Variants in PCNX1 observed in about 807,000 individuals in gnomAD.
PCNX1 encodes pecanex-like protein 1.
Under a neutral mutation model 242.2 loss-of-function variants are expected in PCNX1, and 78 were observed. The ratio of observed to expected loss-of-function variants is 0.32; its 90% CI spans 0.27 to 0.39. The LOEUF (loss-of-function observed/expected upper bound fraction) is 0.39, where lower values mean the gene tolerates loss of function less well. Among genes scored for constraint, PCNX1 ranks in the 10% least tolerant of loss-of-function variants. PCNX1 has a pLI of 1.00. For synonymous variants in PCNX1, 1,024 were observed against 1,032.9 expected (o/e 0.99, Z 0.17); for missense variants, 2,581 against 2,856.5 (o/e 0.90, Z 2.20).
At chr14:71,079,103 G>C (rs2061788433) in intron 28 of PCNX1, among the ~76,000 whole-genome samples, 1 of 152,114 alleles carries the variant, frequency 6.6e-6, no homozygotes, top group Non-Finnish European at 1.5e-5. Flanking sequence ...TCCAGTGTTT[G>C]GTTTTCTGTC....
chr14:71,048,652 C>G (rs1566746128), intron 22 of PCNX1, among the ~76,000 whole-genome samples: 1 of 152,068 alleles, frequency 6.6e-6, no homozygotes, highest in African/African-American at 2.4e-5. Context: ...ATACATTATC[C>G]CATTTGATAG....
chr14:71,106,334 A>C (rs1595520058), intron 33 of PCNX1, among the ~76,000 whole-genome samples: 1 of 152,188 alleles, frequency 6.6e-6, no homozygotes, highest in East Asian at 1.9e-4. Context: ...ATAATTTTTA[A>C]AGGCTAACAA....
chr14:70,995,695 C>A, intron 7 of PCNX1, 46 bp from the exon 8 acceptor site: 1 of 1,540,416 alleles, frequency 6.5e-7, no homozygotes. Context: ...GTATTGTTTT[C>A]TCTTTTCTTC....
In PCNX1 at chr14:71,020,998, C is replaced by T. The variant is rs148081849; in HGVS notation, c.3150+1836C>T. ...GCATATGGGTAGCCAGTTTTCCCAA[C>T]ACCATTTATTAAATAGGGAATCCTT... is the stretch of plus-strand genomic sequence containing the variant. On this transcript the variant is annotated intron_variant, in intron 12 of 35. Transcript: ENST00000304743. Among the ~76,000 whole-genome samples the T allele has an allele frequency of 2.2e-3, 335 of 152,290 alleles. 2 individuals are homozygous for T. Among genetic ancestry groups the T allele is most frequent in the African/African-American group, 7.8e-3 (323 of 41,556 alleles).
At chr14:70,921,643 C>T (rs989135610) in intron 1 of PCNX1, among the ~76,000 whole-genome samples, 1 of 152,080 alleles carries the variant, frequency 6.6e-6, no homozygotes, top group African/African-American at 2.4e-5. Flanking sequence ...ACTTAAAATA[C>T]TTTAAATATA....
intron 1 of PCNX1, among the ~76,000 whole-genome samples, chr14:70,930,200 C>G (rs1240810203): frequency 2.0e-5 from 3 of 152,006 alleles, no homozygotes; most frequent in Non-Finnish European, 4.4e-5. Flanking sequence ...AGTGGCTGCT[C>G]ACAGGTACAG....
chr14:71,011,540 A>C lies in PCNX1; in HGVS notation c.2769A>C (p.Pro923=). Residue 923 remains proline (P), a synonymous_variant, in exon 10 of 36, where the codon CCA becomes CCC. Coordinates refer to ENST00000304743, the MANE Select transcript of PCNX1 (RefSeq NM_014982.3). The stretch of plus-strand genomic sequence containing the variant: ...GTTCTACCTCAGTTCGATTTTATCC[A>C]CATGATGTGGTAGGTTTTTCTTTAT... ...VSSSTSVRFY[P]HDVLSLPQIR... is the part of the protein sequence containing the mutation. The C allele has an allele frequency of 6.5e-7, 1 of 1,540,798 alleles. No homozygotes were observed. The highest frequency in any genetic ancestry group is 9.0e-7 in the Non-Finnish European group (1 of 1,116,026).
chr14:70,936,170 G>A (rs980782989), intron 1 of PCNX1, among the ~76,000 whole-genome samples: 1 of 151,904 alleles, frequency 6.6e-6, no homozygotes, highest in African/African-American at 2.4e-5. Flanking sequence ...TAGGGTACAT[G>A]AGCACAACGT....
In PCNX1 at chr14:71,089,288, A is replaced by G; in HGVS notation, c.5535A>G (p.Glu1845=). 1.2e-6 allele frequency: 2 copies of G among 1,612,678 alleles called. No individual in the cohort carries two copies. The highest frequency in any genetic ancestry group is 2.7e-5 in the African/African-American group (2 of 74,994). Residue 1845 remains glutamate (E), a synonymous_variant, in exon 30 of 36, where the codon GAA becomes GAG. Transcript: ENST00000304743. ...ATGAATGGATCTTTGCTGACATGGA[A>G]TTGCTAAGAAAAGTAGTAGTCCCTG... is the stretch of plus-strand genomic sequence containing the variant. ...IRDEWIFADM[E]LLRKVVVPGI...
intron 30 of PCNX1, chr14:71,093,096 C>T (rs570031577): frequency 1.3e-5 from 2 of 152,172 alleles, no homozygotes; most frequent in South Asian, 4.2e-4. Flanking sequence ...ACATGGTACT[C>T]AATGGAAAGG....
At chr14:71,073,223 A>G (rs567080453) in intron 26 of PCNX1, among the ~76,000 whole-genome samples, 3 of 152,194 alleles carry the variant, frequency 2.0e-5, no homozygotes, top group Non-Finnish European at 4.4e-5. Flanking sequence ...ACCGGGACCC[A>G]GGAGGCAGAG....
intron 1 of PCNX1, among the ~76,000 whole-genome samples, chr14:70,933,262 A>G (rs905809467): frequency 6.6e-6 from 1 of 152,124 alleles, no homozygotes; most frequent in Admixed American, 6.5e-5. Flanking sequence ...GCGGTGATAG[A>G]TTTGTAGTTG....
chr14:70,957,632 G>A (rs756434712), intron 2 of PCNX1, among the ~76,000 whole-genome samples: 1 of 152,088 alleles, frequency 6.6e-6, no homozygotes, highest in Admixed American at 6.6e-5. Flanking sequence ...GGAAAGGGAC[G>A]GGTAGTAATG....
chr14:70,949,464 G>A (rs1451102661), intron 2 of PCNX1, among the ~76,000 whole-genome samples: 3 of 150,562 alleles, frequency 2.0e-5, no homozygotes, highest in Non-Finnish European at 3.0e-5. Context: ...ATACACATAC[G>A]CATGTGTATA....
In PCNX1 at chr14:71,109,044, C is replaced by CAAGT; in HGVS notation, c.6744+6_6744+9dup. The CAAGT allele has an allele frequency of 1.2e-6, 2 of 1,606,008 alleles. No homozygotes were observed. Among genetic ancestry groups the CAAGT allele is most frequent in the Non-Finnish European group, 1.7e-6 (2 of 1,175,104 alleles). ...AAAGGCAGAAGTGATTTACAGAGTCCAAGTAAGTAAGCCCAGAGGTGGTCT... is the reference window on the plus strand; with the variant it reads ...AAAGGCAGAAGTGATTTACAGAGTCCAAGTAAGTAAGTAAGCCCAGAGGTGGTCT... On this transcript the variant is annotated frameshift_variant and splice_region_variant, in exon 34 of 36. Transcript: ENST00000304743. LOFTEE classifies it high-confidence loss of function.
At position 70,957,393 on chromosome 14, in the gene PCNX1, A is replaced by G. The variant is rs562759831; in HGVS notation, c.363-4833A>G. Among the ~76,000 whole-genome samples, 3 of 152,344 alleles carry G rather than the reference A, an allele frequency of 2.0e-5. No homozygotes were observed. The East Asian group carries it at 5.8e-4, about 29-fold the overall frequency. The stretch of plus-strand genomic sequence containing the variant: ...AGGCAAGATTATCCATCAGTTGATG[A>G]CTGGATAAACAAATGTGGTTTATCC... On this transcript the variant is annotated intron_variant, in intron 2 of 35. Transcript: ENST00000304743.
chr14:71,059,360 C>T (rs1166848877), intron 26 of PCNX1, among the ~76,000 whole-genome samples: 1 of 152,000 alleles, frequency 6.6e-6, no homozygotes, highest in Non-Finnish European at 1.5e-5. Context: ...ACAAGGGATA[C>T]CTGTAATTCT....
chr14:70,945,997 A>T (rs1053747824), intron 1 of PCNX1, among the ~76,000 whole-genome samples: 4 of 152,194 alleles, frequency 2.6e-5, no homozygotes, highest in Non-Finnish European at 4.4e-5. Context: ...TAGTGACTCT[A>T]GGCCTTGCCT....
chr14:71,099,257 C>G (rs1220124029), intron 30 of PCNX1, among the ~76,000 whole-genome samples: 1 of 149,290 alleles, frequency 6.7e-6, no homozygotes, highest in Admixed American at 6.8e-5. Context: ...CTCCTGGTTT[C>G]CTGCCATTCT....
Sources: allele counts gnomAD v4.1 joint callset (sites outside exome capture counted in the v4.1 genomes callset), GRCh38; gene constraint gnomAD v4.1.1; transcripts MANE v1.5; gene names NCBI Gene and HGNC (gene_info 2026-07-23, HGNC 2026-07-21).